UNC5D: variants seen among roughly 807,000 people sequenced by gnomAD.
UNC5D encodes the protein netrin receptor UNC5D.
Under a neutral mutation model 105.4 loss-of-function variants are expected in UNC5D, and 39 were observed. That is an observed-to-expected ratio of 0.37 (90% confidence interval 0.29 to 0.48). The LOEUF is 0.48. Ranked by LOEUF, UNC5D falls within the 20% of genes least tolerant of loss-of-function variation. UNC5D has a pLI of 0.98. For missense variants in UNC5D, 991 were observed against 1,202.4 expected (o/e 0.82, Z 2.60); for synonymous variants, 452 against 450.4 (o/e 1.00, Z -0.04).
At chr8:35,785,945 A>C (rs1802722929) in intron 16 of UNC5D, among the ~76,000 whole-genome samples, 2 of 152,060 alleles carry the variant, frequency 1.3e-5, no homozygotes, top group African/African-American at 2.4e-5. Flanking sequence ...TCCCCCTTAT[A>C]AGGTTATACC....
chr8:35,263,823 G>T (rs538116813), intron 1 of UNC5D, among the ~76,000 whole-genome samples: 1 of 152,160 alleles, frequency 6.6e-6, no homozygotes, highest in Non-Finnish European at 1.5e-5. Flanking sequence ...TTGCCTTGTG[G>T]CAATAAAGCA....
chr8:35,354,271 C>G (rs900451635), intron 1 of UNC5D, among the ~76,000 whole-genome samples: 3 of 152,010 alleles, frequency 2.0e-5, no homozygotes, highest in East Asian at 1.9e-4. Context: ...TCTTTCCCCC[C>G]CTCTCTTGCT....
intron 1 of UNC5D, among the ~76,000 whole-genome samples, chr8:35,237,946 G>A (rs901912258): frequency 1.3e-5 from 2 of 152,128 alleles, no homozygotes; most frequent in African/African-American, 4.8e-5. Flanking sequence ...TTCCCAGAAA[G>A]GTGTCCATTC....
chr8:35,680,459 A>G (rs1825584133), intron 4 of UNC5D, among the ~76,000 whole-genome samples: 1 of 152,004 alleles, frequency 6.6e-6, no homozygotes, highest in African/African-American at 2.4e-5. Flanking sequence ...TCTTTATGCC[A>G]GATTTACTGG....
chr8:35,442,036 A>G (rs906204842), intron 1 of UNC5D, among the ~76,000 whole-genome samples: 15 of 151,958 alleles, frequency 9.9e-5, no homozygotes, highest in African/African-American at 3.6e-4. Context: ...AACCCTGTAC[A>G]ACCTGTACAG....
chr8:35,389,190 G>A (rs949629029), intron 1 of UNC5D, among the ~76,000 whole-genome samples: 1 of 152,178 alleles, frequency 6.6e-6, no homozygotes, highest in African/African-American at 2.4e-5. Context: ...GTCCATTTCT[G>A]GAGACTTGTA....
chr8:35,508,022 G>C (rs1308061283), intron 1 of UNC5D, among the ~76,000 whole-genome samples: 1 of 152,182 alleles, frequency 6.6e-6, no homozygotes, highest in African/African-American at 2.4e-5. Context: ...TGGACCTGGA[G>C]TTGGAAGCCC....
intron 1 of UNC5D, among the ~76,000 whole-genome samples, chr8:35,388,161 G>T (rs996411396): frequency 5.3e-5 from 8 of 151,950 alleles, no homozygotes; most frequent in Non-Finnish European, 8.8e-5. Flanking sequence ...ATCACTTGAG[G>T]TCAGGAGTTC....
intron 4 of UNC5D, among the ~76,000 whole-genome samples, chr8:35,625,829 C>T (rs1384149960): frequency 6.6e-6 from 1 of 152,180 alleles, no homozygotes; most frequent in East Asian, 1.9e-4. Context: ...TTACTGGCTT[C>T]AGTTCTCAAG....
chr8:35,759,604 G>A, intron 14 of UNC5D, 135 bp downstream of exon 14: 2 of 1,036,240 alleles, frequency 1.9e-6, no homozygotes, highest in Non-Finnish European at 2.8e-6. Context: ...TCACAGAAAT[G>A]TAACAGTTTG....
intron 9 of UNC5D, among the ~76,000 whole-genome samples, chr8:35,725,704 G>A (rs977188686): frequency 6.6e-6 from 1 of 152,102 alleles, no homozygotes; most frequent in Non-Finnish European, 1.5e-5. Flanking sequence ...GCACTACCTA[G>A]TCACCACGCT....
chr8:35,551,651 C>G (rs1816149244), intron 2 of UNC5D, among the ~76,000 whole-genome samples: 1 of 151,850 alleles, frequency 6.6e-6, no homozygotes, highest in African/African-American at 2.4e-5. Context: ...AACCCTGTCT[C>G]TAATAAAAAT....
chr8:35,389,269 G>A (rs1267221107), intron 1 of UNC5D, among the ~76,000 whole-genome samples: 2 of 152,102 alleles, frequency 1.3e-5, no homozygotes, highest in East Asian at 3.9e-4. Flanking sequence ...TCTGTTATTT[G>A]TGGCCCTCTA....
chr8:35,378,945 GT>G (rs1005510964), intron 1 of UNC5D, among the ~76,000 whole-genome samples: 1 of 152,160 alleles, frequency 6.6e-6, no homozygotes, highest in Non-Finnish European at 1.5e-5. Flanking sequence ...AGTGTCTCTG[GT>G]TTTGTCAGGT....
At chr8:35,284,444 C>T (rs1806436799) in intron 1 of UNC5D, among the ~76,000 whole-genome samples, 1 of 152,200 alleles carries the variant, frequency 6.6e-6, no homozygotes, top group Non-Finnish European at 1.5e-5. Context: ...ACATTACCTC[C>T]TGACAATTTC....
intron 1 of UNC5D, among the ~76,000 whole-genome samples, chr8:35,454,667 C>T (rs1183905808): frequency 6.6e-6 from 1 of 152,098 alleles, no homozygotes; most frequent in Non-Finnish European, 1.5e-5. Flanking sequence ...TGTTTAATTC[C>T]TTCCCCACAA....
At chr8:35,525,465 C>T (rs1395097762) in intron 1 of UNC5D, 1 of 1,612,158 alleles carries the variant, frequency 6.2e-7, no homozygotes, top group Non-Finnish European at 8.5e-7. Context: ...ATAGGCCTGG[C>T]TCAGCTTCTC....
At chr8:35,556,849 G>A (rs945840142) in intron 2 of UNC5D, among the ~76,000 whole-genome samples, 7 of 152,114 alleles carry the variant, frequency 4.6e-5, no homozygotes, top group Non-Finnish European at 7.3e-5. Flanking sequence ...TATCTTTGTG[G>A]GAACACAGCC....
At chr8:35,432,583 G>A (rs1350675394) in intron 1 of UNC5D, among the ~76,000 whole-genome samples, 1 of 152,098 alleles carries the variant, frequency 6.6e-6, no homozygotes, top group Non-Finnish European at 1.5e-5. Context: ...GAACAACTTG[G>A]GGTTAGCTCA....
Sources: allele counts gnomAD v4.1 joint callset (sites outside exome capture counted in the v4.1 genomes callset), GRCh38; gene constraint gnomAD v4.1.1; transcripts MANE v1.5; gene names NCBI Gene and HGNC (gene_info 2026-07-23, HGNC 2026-07-21).